Variants in FAAH2 observed in about 807,000 individuals in gnomAD.
The protein encoded by FAAH2 is fatty acid amide hydrolase 2, also known as fatty-acid amide hydrolase 2.
FAAH2 carries 60 observed loss-of-function variants against 36.9 expected under a neutral mutation model. The observed-to-expected ratio is 1.63, with a 90% confidence interval of 1.32 to 2.02. The LOEUF is 2.02. Among genes scored for constraint, FAAH2 ranks in the 30% most tolerant of loss-of-function variants. The pLI, the probability that FAAH2 is intolerant of heterozygous loss-of-function variation, is 0.00. For missense variants in FAAH2, 689 were observed against 397.5 expected (o/e 1.73, Z -6.23); for synonymous variants, 214 against 143.8 (o/e 1.49, Z -3.49).
Position 57,392,772 on chromosome X carries a change from T to A in FAAH2, c.996+11743T>A, listed in dbSNP as rs187597432. Reference sequence around the variant, plus strand: ...CAGAAAACCAGCCCCGATGCTGGCATGGATGTTGCGAATGGGCAGAATGAA... The same window carrying A: ...CAGAAAACCAGCCCCGATGCTGGCAAGGATGTTGCGAATGGGCAGAATGAA... On this transcript the variant is annotated intron_variant, in intron 7 of 10. Coordinates refer to ENST00000374900, the MANE Select transcript of FAAH2 (RefSeq NM_174912.4). 111 of 613,630 alleles carry A rather than the reference T, an allele frequency of 1.8e-4. No individual in the cohort carries two copies. The African/African-American group carries it at 2.3e-3, about 13-fold the overall frequency. 50.6% of individuals were successfully genotyped at this position (613,630 alleles called of 1,213,427 possible).
At chrX:57,316,896 A>T (rs773729310) in intron 3 of FAAH2, among the ~76,000 whole-genome samples, 18 of 111,858 alleles carry the variant, frequency 1.6e-4, no homozygotes, top group Non-Finnish European at 3.2e-4. Context: ...GTGGGACTTA[A>T]TTAAACTAAA....
the FAAH2 span, among the ~76,000 whole-genome samples, chrX:57,269,971 C>T: frequency 9.0e-6 from 1 of 110,610 alleles, no homozygotes; most frequent in Non-Finnish European, 1.9e-5. Flanking sequence ...AAATAGAATT[C>T]TAGATAGACT....
At chrX:57,397,658 C>A (rs922379015) in intron 7 of FAAH2, among the ~76,000 whole-genome samples, 5 of 110,109 alleles carry the variant, frequency 4.5e-5, no homozygotes, top group Non-Finnish European at 9.5e-5. Context: ...AGTGGGATTT[C>A]CATCATAGGT....
the FAAH2 span, among the ~76,000 whole-genome samples, chrX:57,276,775 C>T: frequency 9.0e-6 from 1 of 111,467 alleles, no homozygotes; most frequent in African/African-American, 3.3e-5. Flanking sequence ...TACAAACTAC[C>T]TTTAGAGAAT....
At chrX:57,477,088 AT>A (rs1395312379) in intron 10 of FAAH2, among the ~76,000 whole-genome samples, 1 of 106,009 alleles carries the variant, frequency 9.4e-6, no homozygotes, top group Non-Finnish European at 2.0e-5. Flanking sequence ...TTTGTTCTCT[AT>A]TTTTTTCATT....
At chrX:57,393,149 T>C in intron 7 of FAAH2, 1 of 1,097,009 alleles carries the variant, frequency 9.1e-7, no homozygotes. Flanking sequence ...GAGGTCCAGC[T>C]CAGTCTCTGT....
the FAAH2 span, among the ~76,000 whole-genome samples, chrX:57,146,532 T>G: frequency 1.8e-5 from 2 of 112,038 alleles, no homozygotes; most frequent in Admixed American, 1.9e-4. Flanking sequence ...TGACTTCCTC[T>G]TTACCAATAT....
At chrX:57,127,192 A>C in the FAAH2 span, 1 of 111,482 alleles carries the variant, frequency 9.0e-6, no homozygotes, top group African/African-American at 3.3e-5. Flanking sequence ...TTATACTTTT[A>C]AGTTATATGA....
intron 2 of FAAH2, among the ~76,000 whole-genome samples, chrX:57,307,623 C>T (rs975681657): frequency 2.7e-5 from 3 of 111,360 alleles, no homozygotes; most frequent in Admixed American, 9.6e-5. Flanking sequence ...GCATTAGCCA[C>T]ATTTTAAAAA....
chrX:57,394,765 C>T, intron 7 of FAAH2: 1 of 927,118 alleles, frequency 1.1e-6, no homozygotes, highest in Non-Finnish European at 1.6e-6. Context: ...CCATTTCAGG[C>T]CGACCAGTTG....
the FAAH2 span, among the ~76,000 whole-genome samples, chrX:57,160,189 C>T: frequency 8.9e-6 from 1 of 111,740 alleles, no homozygotes; most frequent in African/African-American, 3.3e-5. Flanking sequence ...GGATGAAGCC[C>T]ACTTGATCAT....
chrX:57,138,606 T>G, the FAAH2 span, among the ~76,000 whole-genome samples: 1 of 111,337 alleles, frequency 9.0e-6, no homozygotes, highest in Non-Finnish European at 1.9e-5. Context: ...TCTTAGGGAA[T>G]TTGTAGTTTT....
At chrX:57,181,623 ATAAT>A in the FAAH2 span, among the ~76,000 whole-genome samples, 4 of 112,200 alleles carry the variant, frequency 3.6e-5, no homozygotes, top group African/African-American at 9.7e-5. Flanking sequence ...ATATTTAGGA[ATAAT>A]TAATATGTTA....
At chrX:57,407,157 G>A (rs1210803548) in intron 7 of FAAH2, among the ~76,000 whole-genome samples, 1 of 112,330 alleles carries the variant, frequency 8.9e-6, no homozygotes, top group Non-Finnish European at 1.9e-5. Context: ...TAAGGATCTA[G>A]TGATCCTCTT....
At chrX:57,480,793 G>A (rs1019698448) in intron 10 of FAAH2, among the ~76,000 whole-genome samples, 2 of 111,129 alleles carry the variant, frequency 1.8e-5, no homozygotes, top group Non-Finnish European at 3.8e-5. Context: ...TGTCTTGCTA[G>A]GTTGGGGAAT....
the FAAH2 span, among the ~76,000 whole-genome samples, chrX:57,187,040 C>T: frequency 4.5e-5 from 5 of 111,482 alleles, no homozygotes; most frequent in African/African-American, 1.6e-4. Flanking sequence ...ATTGTCTTGG[C>T]TACACAGGCT....
At position 57,462,493 on chromosome X, in the gene FAAH2, G is replaced by A. The variant is rs955289904; in HGVS notation, c.1423+13775G>A. 5.4e-5 allele frequency among the ~76,000 whole-genome samples: 6 copies of A among 111,883 alleles called. 1 individual carries two copies. The South Asian group carries it at 2.2e-3, about 41-fold the overall frequency. On this transcript the variant is annotated intron_variant, in intron 10 of 10. Transcript: ENST00000374900. ...GTCGGTTTCATAACTGGGATGCAAG[G>A]CTTGTTCAACATACGCAAATCAATA... is the stretch of plus-strand genomic sequence containing the variant.
chrX:57,136,825 G>A, the FAAH2 span: 1 of 408,311 alleles, frequency 2.4e-6, no homozygotes, highest in Non-Finnish European at 4.3e-6. Flanking sequence ...TCTGGGGTTA[G>A]GAACTCTGCA....
At chrX:57,216,823 CT>C in the FAAH2 span, among the ~76,000 whole-genome samples, 1 of 105,531 alleles carries the variant, frequency 9.5e-6, no homozygotes, top group East Asian at 3.1e-4. Context: ...GGTAGTTCTA[CT>C]TTTAGGTCTT....
Sources: allele counts gnomAD v4.1 joint callset (sites outside exome capture counted in the v4.1 genomes callset), GRCh38; gene constraint gnomAD v4.1.1; transcripts MANE v1.5; gene names NCBI Gene and HGNC (gene_info 2026-07-23, HGNC 2026-07-21).